SNAP47: variants seen among roughly 807,000 people sequenced by gnomAD.
SNAP47 encodes synaptosome associated protein 47.
SNAP47 carries 20 observed loss-of-function variants against 31.4 expected under a neutral mutation model. The ratio of observed to expected loss-of-function variants is 0.64; its 90% confidence interval spans 0.45 to 0.93. The LOEUF (loss-of-function observed/expected upper bound fraction) is 0.93, where lower values mean the gene tolerates loss of function less well. Ranked by LOEUF, SNAP47 falls within the 40% of genes least tolerant of loss-of-function variation. The probability of loss-of-function intolerance (pLI) is 0.00; values close to 1 mark genes in which losing one functional copy is unlikely to be tolerated. For missense variants in SNAP47, 492 were observed against 528.5 expected (o/e 0.93, Z 0.68); for synonymous variants, 194 against 213.4 (o/e 0.91, Z 0.79).
chr1:227,761,496 T>G (rs1274794751), intron 3 of SNAP47, among the ~76,000 whole-genome samples: 2 of 152,126 alleles, frequency 1.3e-5, no homozygotes, highest in East Asian at 3.8e-4. Context: ...TGTAATGAAA[T>G]CCATTGATCA....
chr1:227,765,339 G>T (rs753249960), intron 3 of SNAP47, among the ~76,000 whole-genome samples: 6 of 152,212 alleles, frequency 3.9e-5, no homozygotes, highest in Non-Finnish European at 8.8e-5. Context: ...CTGTGCTGGT[G>T]CTGCGAGGTG....
At chr1:227,751,189 C>T (rs543454269) in intron 2 of SNAP47, among the ~76,000 whole-genome samples, 5 of 152,180 alleles carry the variant, frequency 3.3e-5, no homozygotes, top group South Asian at 2.1e-4. Flanking sequence ...CGCCCTGTGT[C>T]GCCCACTCTC....
At chr1:227,765,901 CG>C (rs1209378243) in intron 3 of SNAP47, among the ~76,000 whole-genome samples, 2 of 151,608 alleles carry the variant, frequency 1.3e-5, no homozygotes, top group African/African-American at 4.9e-5. Flanking sequence ...GATAGGCTGG[CG>C]GGGGTGGCAT....
At chr1:227,748,902 T>A (rs776077545) in intron 2 of SNAP47, among the ~76,000 whole-genome samples, 7 of 152,190 alleles carry the variant, frequency 4.6e-5, no homozygotes, top group Admixed American at 1.3e-4. Flanking sequence ...TAAGAATGCT[T>A]TTCTTTTTCC....
upstream of SNAP47, chr1:227,735,280 C>T: frequency 1.9e-6 from 3 of 1,606,516 alleles, no homozygotes; most frequent in Non-Finnish European, 1.7e-6. Flanking sequence ...CCATCCAGCT[C>T]AGCACGGGTC....
intron 2 of SNAP47, among the ~76,000 whole-genome samples, chr1:227,752,542 A>G (rs952823930): frequency 5.3e-5 from 8 of 152,062 alleles, no homozygotes; most frequent in Non-Finnish European, 1.0e-4. Context: ...AGGTCTGTCC[A>G]TCTTGGTGAA....
intron 2 of SNAP47, among the ~76,000 whole-genome samples, chr1:227,750,658 T>G (rs569948617): frequency 6.6e-6 from 1 of 151,850 alleles, no homozygotes; most frequent in African/African-American, 2.4e-5. Context: ...ACCCTGACAG[T>G]GTCTGCAGGG....
intron 4 of SNAP47, among the ~76,000 whole-genome samples, chr1:227,773,177 C>A (rs990731939): frequency 3.6e-5 from 5 of 139,340 alleles, no homozygotes; most frequent in African/African-American, 1.3e-4. Context: ...CCCTATGTTG[C>A]CCAGGCTGGT....
intron 4 of SNAP47, chr1:227,768,235 G>A (rs1663563755): frequency 5.1e-6 from 5 of 981,030 alleles, no homozygotes; most frequent in South Asian, 4.7e-5. Flanking sequence ...CTTCCGTCTC[G>A]TCTTCCCCTA....
intron 1 of SNAP47, chr1:227,746,985 C>G (rs1012395922): frequency 6.6e-6 from 1 of 152,186 alleles, no homozygotes; most frequent in African/African-American, 2.4e-5. Context: ...AATCTATCAT[C>G]CAAGACTTTC....
At chr1:227,734,574 C>T, upstream of SNAP47, 1 of 1,444,160 alleles carries the variant, frequency 6.9e-7, no homozygotes, top group East Asian at 2.3e-5. Flanking sequence ...ACCCAGGGGC[C>T]ACCTTCATCA....
intron 3 of SNAP47, among the ~76,000 whole-genome samples, chr1:227,766,604 C>T (rs529499042): frequency 2.0e-5 from 3 of 152,368 alleles, no homozygotes; most frequent in African/African-American, 4.8e-5. Context: ...GCTCAGATGT[C>T]GCTGCAGTTC....
At chr1:227,750,917 T>C (rs1662305510) in intron 2 of SNAP47, among the ~76,000 whole-genome samples, 2 of 152,192 alleles carry the variant, frequency 1.3e-5, no homozygotes, top group African/African-American at 4.8e-5. Flanking sequence ...TAGAGGGAGA[T>C]TGGGAGGAGG....
At position 227,759,380 on chromosome 1, in the gene SNAP47, G is replaced by C; in HGVS notation, c.883G>C (p.Glu295Gln). 6.2e-7 allele frequency: 1 copy of C among 1,614,212 alleles called. No individual in the cohort carries two copies. The highest frequency in any genetic ancestry group is 8.5e-7 in the Non-Finnish European group (1 of 1,180,046). Residue 295 changes from glutamate to glutamine, a missense_variant, in exon 3 of 5, where the codon GAA (glutamate) becomes CAA (glutamine). By Grantham distance (29) the Glu-to-Gln change is conservative. Coordinates refer to ENST00000617596, the MANE Select transcript of SNAP47 (RefSeq NM_053052.4). ...AKMPEVIPIL[E>Q]VQFSKKMELL... ...GATGCCAGAGGTTATCCCCATTTTA[G>C]AAGTGCAGTTCAGCAAGAAGATGGA...
At chr1:227,767,271 C>G (rs1663475234) in intron 4 of SNAP47, among the ~76,000 whole-genome samples, 188 bp downstream of exon 4, 2 of 152,218 alleles carry the variant, frequency 1.3e-5, no homozygotes, top group African/African-American at 4.8e-5. Flanking sequence ...CGTCCCAGGT[C>G]CACACACTTC....
chr1:227,772,740 G>A (rs928091038), intron 4 of SNAP47, among the ~76,000 whole-genome samples: 9 of 152,140 alleles, frequency 5.9e-5, no homozygotes, highest in Non-Finnish European at 8.8e-5. Context: ...GTTTGTGTGC[G>A]GAGTGAGGTG....
chr1:227,772,883 T>C (rs1400124209), intron 4 of SNAP47, among the ~76,000 whole-genome samples: 1 of 152,240 alleles, frequency 6.6e-6, no homozygotes, highest in Non-Finnish European at 1.5e-5. Flanking sequence ...TAATATGAGT[T>C]TATCTCTGGT....
At chr1:227,756,935 AGAGGCAGG>A (rs1422293966) in intron 2 of SNAP47, among the ~76,000 whole-genome samples, 1 of 152,242 alleles carries the variant, frequency 6.6e-6, no homozygotes, top group Admixed American at 6.5e-5. Context: ...AGGGAGCCCA[AGAGGCAGG>A]GAAGCAGGTT....
chr1:227,751,967 G>T (rs1002812803), intron 2 of SNAP47, among the ~76,000 whole-genome samples: 1 of 151,766 alleles, frequency 6.6e-6, no homozygotes, highest in Non-Finnish European at 1.5e-5. Context: ...GGGTTTCACC[G>T]TGTTAACCAG....
Sources: allele counts gnomAD v4.1 joint callset (sites outside exome capture counted in the v4.1 genomes callset), GRCh38; gene constraint gnomAD v4.1.1; transcripts MANE v1.5; gene names NCBI Gene and HGNC (gene_info 2026-07-23, HGNC 2026-07-21).